PPP1R12B: variants seen among roughly 807,000 people sequenced by gnomAD.
PPP1R12B encodes myosin phosphatase target subunit 2.
Under a neutral mutation model 126.1 loss-of-function variants are expected in PPP1R12B, and 76 were observed. That is an observed-to-expected ratio of 0.60 (90% CI 0.50 to 0.73). The LOEUF (loss-of-function observed/expected upper bound fraction) is 0.73, where lower values mean the gene tolerates loss of function less well. PPP1R12B is among the 30% of genes least tolerant of loss of function. PPP1R12B has a pLI of 0.00. For synonymous variants in PPP1R12B, 356 were observed against 434.7 expected, an observed-to-expected ratio of 0.82 and a Z score of 2.25; for missense variants, 1,052 against 1,205.1, an observed-to-expected ratio of 0.87 and a Z score of 1.88.
chr1:202,455,205 T>TATAG (rs1288739659), intron 13 of PPP1R12B, among the ~76,000 whole-genome samples: 5 of 150,910 alleles, frequency 3.3e-5, no homozygotes, highest in Non-Finnish European at 5.9e-5. Flanking sequence ...TATATATATA[T>TATAG]AGAGAGAGAG....
At chr1:202,402,684 A>G (rs80122878) in intron 1 of PPP1R12B, among the ~76,000 whole-genome samples, 2,176 of 152,330 alleles carry the variant, frequency 0.014, 66 homozygotes, top group African/African-American at 0.05. Flanking sequence ...GGCCTCGGAC[A>G]GTGCTGAGGT....
Position 202,495,307 on chromosome 1 carries a change from C to T in PPP1R12B, c.2160C>T (p.Arg720=), listed in dbSNP as rs762978843. 10 of 1,567,084 alleles carry T rather than the reference C, an allele frequency of 6.4e-6. No homozygotes were observed. In the Admixed American group the frequency reaches 1.7e-4, roughly 27 times the overall value. ...RSLDEEPICH[R]LRCPAQPDKP... ...ATTATTTCCAGCCTATCTGTCATCG[C>T]CTGAGGTGCCCAGCTCAGCCAGACA... The change falls in exon 16 of 24, where the codon CGC becomes CGT. Residue 720 remains arginine, a synonymous_variant. Coordinates refer to ENST00000608999, the MANE Select transcript of PPP1R12B (RefSeq NM_002481.4).
At chr1:202,564,674 A>G in intron 21 of PPP1R12B, 127 bp downstream of exon 21, 1 of 647,630 alleles carries the variant, frequency 1.5e-6, no homozygotes, top group Non-Finnish European at 2.6e-6. Context: ...GCAATGAGAT[A>G]GAAGCTTCTT....
intron 1 of PPP1R12B, among the ~76,000 whole-genome samples, chr1:202,415,069 A>G (rs1667893142): frequency 6.6e-6 from 1 of 152,134 alleles, no homozygotes. Context: ...ATAAGTTACC[A>G]TGCCTGGCCC....
At chr1:202,515,193 A>G (rs1048868519) in intron 18 of PPP1R12B, among the ~76,000 whole-genome samples, 2 of 152,204 alleles carry the variant, frequency 1.3e-5, no homozygotes, top group African/African-American at 4.8e-5. Context: ...ACTATTGGGT[A>G]CTAGGCATAA....
chr1:202,368,392 C>A (rs982022922), intron 1 of PPP1R12B, among the ~76,000 whole-genome samples: 24 of 152,306 alleles, frequency 1.6e-4, no homozygotes, highest in Non-Finnish European at 3.1e-4. Context: ...GAGGCCTCCC[C>A]AGGAGCCAAG....
intron 15 of PPP1R12B, among the ~76,000 whole-genome samples, chr1:202,494,496 T>A (rs2148854167): frequency 6.6e-6 from 1 of 151,498 alleles, no homozygotes; most frequent in East Asian, 1.9e-4. Flanking sequence ...AAATTTAATG[T>A]GTAGTAAGGA....
In PPP1R12B at chr1:202,365,113, C is replaced by T. The variant is rs1658970378; in HGVS notation, c.291+15971C>T. 2.0e-5 allele frequency among the ~76,000 whole-genome samples: 3 copies of T among 152,110 alleles called. No homozygotes were observed. The South Asian group carries it at 6.2e-4, about 32-fold the overall frequency. On this transcript the variant is annotated intron_variant, in intron 1 of 23. Coordinates refer to ENST00000608999, the MANE Select transcript of PPP1R12B (RefSeq NM_002481.4). ...CTTCCTCAGGCTGTCTTAGCTTTTGCAAATATTTTAACATAGTTGAACTCA... is the reference window on the plus strand; with the variant it reads ...CTTCCTCAGGCTGTCTTAGCTTTTGTAAATATTTTAACATAGTTGAACTCA...
At chr1:202,459,105 ACAGTTCTTTACT>A (rs1170061602) in intron 13 of PPP1R12B, among the ~76,000 whole-genome samples, 1 of 152,242 alleles carries the variant, frequency 6.6e-6, no homozygotes, top group African/African-American at 2.4e-5. Flanking sequence ...CCTTGTGCTA[ACAGTTCTTTACT>A]CAGTTTAACT....
At position 202,455,419 on chromosome 1, in the gene PPP1R12B, G is replaced by A. The variant is rs375203373; in HGVS notation, c.1850+6248G>A. On this transcript the variant is annotated intron_variant, in intron 13 of 23. Coordinates refer to ENST00000608999, the MANE Select transcript of PPP1R12B (RefSeq NM_002481.4). ...CTAAGCAACCACTGATCTACTTTTT[G>A]TCTATAGATTTGCTTATTTTGGACA... Among the ~76,000 whole-genome samples, 102 of 152,062 alleles carry A rather than the reference G, an allele frequency of 6.7e-4. No homozygotes were observed. In the South Asian group the frequency reaches 0.011, roughly 17 times the overall value.
At chr1:202,492,717 A>T (rs1313265853) in intron 14 of PPP1R12B, among the ~76,000 whole-genome samples, 1 of 151,942 alleles carries the variant, frequency 6.6e-6, no homozygotes, top group Non-Finnish European at 1.5e-5. Context: ...TTTTAAGTGA[A>T]TATTTTTCCC....
chr1:202,443,543 C>T (rs544965155), intron 12 of PPP1R12B, among the ~76,000 whole-genome samples: 50 of 152,334 alleles, frequency 3.3e-4, no homozygotes, highest in Admixed American at 9.1e-4. Context: ...TTCTTCAGTT[C>T]TGTAGATACA....
chr1:202,443,610 C>T (rs1262340909), intron 12 of PPP1R12B, among the ~76,000 whole-genome samples: 1 of 152,216 alleles, frequency 6.6e-6, no homozygotes, highest in Admixed American at 6.5e-5. Flanking sequence ...CTCACTGATG[C>T]TTTATTACAC....
Position 202,508,192 on chromosome 1 carries a change from A to G in PPP1R12B, c.2490+11370A>G, listed in dbSNP as rs1681039875. Among the ~76,000 whole-genome samples, 1 of 152,240 alleles carries G rather than the reference A, an allele frequency of 6.6e-6. No individual in the cohort carries two copies. Among genetic ancestry groups the G allele is most frequent in the Non-Finnish European group, 1.5e-5 (1 of 68,036 alleles). ...CTTCAGTAAAGCAAGTTCAAGGATC[A>G]GATAGCAGCCATTTAGTGACATGAA... On this transcript the variant is annotated intron_variant, in intron 18 of 23. Coordinates refer to ENST00000608999, the MANE Select transcript of PPP1R12B (RefSeq NM_002481.4). This position sits in a 1 kb window ranked among gnomAD's most constrained non-coding sequence, Gnocchi z 4.5.
chr1:202,357,022 T>G (rs1285976910), intron 1 of PPP1R12B, among the ~76,000 whole-genome samples: 12 of 151,912 alleles, frequency 7.9e-5, no homozygotes, highest in Admixed American at 3.9e-4. Flanking sequence ...TGGTTTTGCC[T>G]TGTTGGCCAG....
intron 13 of PPP1R12B, among the ~76,000 whole-genome samples, chr1:202,465,665 A>C (rs1015583883): frequency 1.3e-5 from 2 of 152,198 alleles, no homozygotes; most frequent in African/African-American, 4.8e-5. Flanking sequence ...GCTGACAGCA[A>C]TTACCTGAAG....
At chr1:202,398,785 C>G (rs1039067192) in intron 1 of PPP1R12B, among the ~76,000 whole-genome samples, 1 of 152,176 alleles carries the variant, frequency 6.6e-6, no homozygotes, top group Non-Finnish European at 1.5e-5. Flanking sequence ...AGAATCCTGA[C>G]TAGCTGAAAA....
chr1:202,574,837 C>G (rs913669669), intron 23 of PPP1R12B: 2 of 580,532 alleles, frequency 3.4e-6, no homozygotes, highest in Non-Finnish European at 5.9e-6. Context: ...CACCTGCCAC[C>G]CATTTGCTCC....
In PPP1R12B at chr1:202,448,967, C is replaced by T. The variant is rs1318584555; in HGVS notation, c.1668-22C>T. The T allele has an allele frequency of 2.5e-6, 4 of 1,610,880 alleles. No homozygotes were observed. The South Asian group carries it at 3.3e-5, about 13-fold the overall frequency. The stretch of plus-strand genomic sequence containing the variant: ...AGCATGCCTAACCATTTCCTTTCTG[C>T]TTGTATCTTTTTAAATTTCAGGACT... On this transcript the variant is annotated intron_variant, in intron 12 of 23. Transcript: ENST00000608999.
Sources: gnomAD v4.1 joint callset for allele counts (sites outside exome capture counted in the v4.1 genomes callset) on GRCh38, gnomAD v4.1.1 for gene constraint, Gnocchi (gnomAD v3.1) non-coding constraint, MANE v1.5 for transcripts, NCBI Gene and HGNC (gene_info 2026-07-23, HGNC 2026-07-21) for gene names.